The following ANO4 variants were observed in gnomAD, a reference collection of about 807,000 sequenced individuals.
ANO4 encodes anoctamin 4.
Under a neutral mutation model 141.9 loss-of-function variants are expected in ANO4, and 69 were observed. The ratio of observed to expected loss-of-function variants is 0.49; its 90% confidence interval spans 0.40 to 0.59. The LOEUF (loss-of-function observed/expected upper bound fraction) is 0.59. Ranked by LOEUF, ANO4 falls within the 20% of genes least tolerant of loss-of-function variation. The pLI, the probability that ANO4 is intolerant of heterozygous loss-of-function variation, is 0.00. For synonymous variants in ANO4, 350 were observed against 394.3 expected (o/e 0.89, Z 1.33); for missense variants, 894 against 1,162.2 (o/e 0.77, Z 3.36).
chr12:101,101,501 T>C (rs1435673728), intron 22 of ANO4, among the ~76,000 whole-genome samples: 1 of 152,064 alleles, frequency 6.6e-6, no homozygotes, highest in East Asian at 1.9e-4. Flanking sequence ...TTTGTTTGCA[T>C]TTCCACTCCC....
chr12:100,774,987 G>A (rs955605203), intron 3 of ANO4, among the ~76,000 whole-genome samples: 1 of 152,182 alleles, frequency 6.6e-6, no homozygotes, highest in East Asian at 1.9e-4. Context: ...GATCTCTAAT[G>A]CTCATAAGGA....
intron 8 of ANO4, among the ~76,000 whole-genome samples, chr12:100,991,096 G>A (rs375922496): frequency 1.3e-5 from 2 of 152,152 alleles, no homozygotes; most frequent in Non-Finnish European, 2.9e-5. Context: ...CAATTTTATC[G>A]TGTAAATAAG....
At chr12:100,774,713 A>G (rs1302560075) in intron 3 of ANO4, among the ~76,000 whole-genome samples, 1 of 111,582 alleles carries the variant, frequency 9.0e-6, no homozygotes, top group South Asian at 2.6e-4. Flanking sequence ...GTCAAAGACA[A>G]ACAAAAACGA....
At chr12:100,928,187 G>C (rs986001911) in intron 3 of ANO4, among the ~76,000 whole-genome samples, 2 of 151,986 alleles carry the variant, frequency 1.3e-5, no homozygotes, top group South Asian at 4.2e-4. Context: ...GCGGGGCCGG[G>C]GGGGCTGGCA....
intron 3 of ANO4, among the ~76,000 whole-genome samples, chr12:100,936,704 C>A (rs894030140): frequency 1.3e-5 from 2 of 152,158 alleles, no homozygotes; most frequent in African/African-American, 4.8e-5. Context: ...TTGTAAATAT[C>A]TCTTCTGCCT....
intron 5 of ANO4, among the ~76,000 whole-genome samples, chr12:100,956,598 G>T (rs899201544): frequency 6.6e-6 from 1 of 152,224 alleles, no homozygotes; most frequent in Non-Finnish European, 1.5e-5. Context: ...CTTTTGGATT[G>T]TGTAGCAGTA....
intron 1 of ANO4, among the ~76,000 whole-genome samples, chr12:100,822,372 G>A (rs1032615670): frequency 6.6e-6 from 1 of 151,946 alleles, no homozygotes; most frequent in African/African-American, 2.4e-5. Context: ...ACTACGATTC[G>A]AAGAAAATCA....
intron 16 of ANO4, among the ~76,000 whole-genome samples, chr12:101,086,220 TG>T (rs1222720107): frequency 6.6e-6 from 1 of 151,828 alleles, no homozygotes; most frequent in Non-Finnish European, 1.5e-5. Context: ...AGAGAAGCTG[TG>T]GGGACCCCAG....
At chr12:101,068,410 T>C (rs2048680861) in intron 14 of ANO4, 4 of 936,756 alleles carry the variant, frequency 4.3e-6, no homozygotes, top group Non-Finnish European at 7.1e-6. Context: ...AACTGGAAGC[T>C]GAGTATCTCG....
intron 3 of ANO4, among the ~76,000 whole-genome samples, chr12:100,761,280 C>T (rs2032847134): frequency 6.6e-6 from 1 of 152,156 alleles, no homozygotes; most frequent in African/African-American, 2.4e-5. Context: ...GGGTGATTTC[C>T]AGTGGATCCT....
At chr12:100,876,451 A>G (rs546349120) in intron 1 of ANO4, among the ~76,000 whole-genome samples, 65 of 152,270 alleles carry the variant, frequency 4.3e-4, no homozygotes, top group Admixed American at 7.2e-4. Context: ...GGGAAATGGG[A>G]TGATAGCTGG....
At chr12:101,108,678 C>T (rs1264190596) in intron 22 of ANO4, among the ~76,000 whole-genome samples, 1 of 152,096 alleles carries the variant, frequency 6.6e-6, no homozygotes, top group Non-Finnish European at 1.5e-5. Context: ...TATACATAGT[C>T]ATTCAAACAG....
chr12:100,970,675 T>C (rs1436345030), intron 5 of ANO4, among the ~76,000 whole-genome samples: 1 of 52,916 alleles, frequency 1.9e-5, no homozygotes, highest in Non-Finnish European at 3.1e-5. Flanking sequence ...CCTTCCTTCC[T>C]TCCTTCCTTC....
At chr12:100,838,780 A>T (rs1429896748) in intron 1 of ANO4, among the ~76,000 whole-genome samples, 1 of 152,150 alleles carries the variant, frequency 6.6e-6, no homozygotes, top group Non-Finnish European at 1.5e-5. Flanking sequence ...TGAAAGAGGT[A>T]TTTGAAGGTC....
chr12:100,898,587 C>A (rs556776970), intron 1 of ANO4, among the ~76,000 whole-genome samples: 1 of 152,152 alleles, frequency 6.6e-6, no homozygotes, highest in South Asian at 2.1e-4. Flanking sequence ...TTGCTATGAT[C>A]TACATTATTA....
chr12:101,094,197 A>G lies in ANO4; in HGVS notation c.1702-59A>G, dbSNP rs115678807. Reference sequence around the variant, plus strand: ...GATTTGACTCCCTATTTCCTTTGTGATTATAGATTTTATAATACGTGCAGT... The same window carrying G: ...GATTTGACTCCCTATTTCCTTTGTGGTTATAGATTTTATAATACGTGCAGT... On this transcript the variant is annotated intron_variant, in intron 17 of 27. Coordinates refer to ENST00000392977, the MANE Select transcript of ANO4 (RefSeq NM_001286615.2). The G allele has an allele frequency of 1.3e-3, 1,731 of 1,374,572 alleles. 10 individuals are homozygous for G. The African/African-American group carries it at 0.018, about 15-fold the overall frequency. The allele number at this position is 1,374,572 out of a possible 1,614,324, so 85.1% of individuals were successfully genotyped here. A position where few individuals can be genotyped will look rare whatever the true frequency, so the allele number is the denominator to read the frequency against.
At chr12:101,050,438 C>T (rs1270849544) in intron 14 of ANO4, among the ~76,000 whole-genome samples, 1 of 152,176 alleles carries the variant, frequency 6.6e-6, no homozygotes, top group Non-Finnish European at 1.5e-5. Context: ...CTAACCCTAA[C>T]AGAATTTTGA....
At chr12:100,935,715 C>T (rs2042259163) in intron 3 of ANO4, among the ~76,000 whole-genome samples, 1 of 152,130 alleles carries the variant, frequency 6.6e-6, no homozygotes. Flanking sequence ...ACTTCAGCCC[C>T]GGTTCCTAGC....
intron 24 of ANO4, 79 bp downstream of exon 24, chr12:101,111,789 C>A: frequency 7.5e-7 from 1 of 1,338,626 alleles, no homozygotes; most frequent in Non-Finnish European, 9.9e-7. Context: ...CAGAAGACTG[C>A]ACTGGAGAAT....
Sources: gnomAD v4.1 joint callset for allele counts (sites outside exome capture counted in the v4.1 genomes callset) on GRCh38, gnomAD v4.1.1 for gene constraint, MANE v1.5 for transcripts, NCBI Gene and HGNC (gene_info 2026-07-23, HGNC 2026-07-21) for gene names.